Variants in ITIH5 observed in about 807,000 individuals in gnomAD.
The protein encoded by ITIH5 is inter-alpha-trypsin inhibitor heavy chain 5.
Under a neutral mutation model 77.5 loss-of-function variants are expected in ITIH5, and 65 were observed. The observed-to-expected ratio is 0.84, with a 90% CI of 0.69 to 1.03. ITIH5 has a LOEUF of 1.03. ITIH5 is among the 50% of genes least tolerant of loss of function. The pLI, the probability that ITIH5 is intolerant of heterozygous loss-of-function variation, is 0.00. For missense variants in ITIH5, 1,208 were observed against 1,213.1 expected (o/e 1.00, Z 0.06); for synonymous variants, 525 against 494.3 (o/e 1.06, Z -0.82).
chr10:7,584,349 G>T (rs1459857864), intron 8 of ITIH5, among the ~76,000 whole-genome samples: 1 of 149,028 alleles, frequency 6.7e-6, no homozygotes, highest in Non-Finnish European at 1.5e-5. Context: ...TGTCACCCAG[G>T]CTGGAGTGCA....
intron 2 of ITIH5, among the ~76,000 whole-genome samples, chr10:7,646,620 C>A (rs1834013472): frequency 1.3e-5 from 2 of 152,360 alleles, no homozygotes; most frequent in South Asian, 4.1e-4. Flanking sequence ...GCTGGGAGGT[C>A]TGGCTTCTCT....
intron 5 of ITIH5, among the ~76,000 whole-genome samples, chr10:7,629,696 C>A (rs987730586): frequency 2.0e-5 from 3 of 152,176 alleles, no homozygotes; most frequent in Non-Finnish European, 4.4e-5. Context: ...TACGCATATA[C>A]CACATTTTGT....
intron 2 of ITIH5, 77 bp from the exon 3 acceptor site, chr10:7,642,167 T>G: frequency 8.5e-7 from 1 of 1,170,070 alleles, no homozygotes; most frequent in South Asian, 1.6e-5. Context: ...CTTTTTTTTT[T>G]TCCACAAGGG....
In ITIH5 at chr10:7,563,341, T is replaced by C. The variant is rs1047971291; in HGVS notation, c.2571A>G (p.Ala857=). 1.2e-6 allele frequency: 2 copies of C among 1,613,978 alleles called. No individual in the cohort carries two copies. Among genetic ancestry groups the C allele is most frequent in the Admixed American group, 1.7e-5 (1 of 60,006 alleles). Residue 857 remains alanine (A), a synonymous_variant, in exon 14 of 14, where the codon GCA becomes GCG. Transcript: ENST00000397146. ...GGTGAGTGAGGTTCTGGCTGGGCCC[T>C]GCAGGGTCTTCTGTGAGTCTGGCAT... ...NQDARLTEDP[A]GPSQNLTHPL...
At chr10:7,643,681 C>T (rs1414532705) in intron 2 of ITIH5, among the ~76,000 whole-genome samples, 2 of 152,204 alleles carry the variant, frequency 1.3e-5, no homozygotes. Flanking sequence ...TTTATTTCAG[C>T]CCTCATCTGC....
At chr10:7,628,313 T>A (rs1833620110) in intron 5 of ITIH5, among the ~76,000 whole-genome samples, 1 of 152,194 alleles carries the variant, frequency 6.6e-6, no homozygotes, top group Non-Finnish European at 1.5e-5. Flanking sequence ...CAACTACCAA[T>A]CTGCTTTCTG....
At chr10:7,644,070 G>A (rs572504185) in intron 2 of ITIH5, among the ~76,000 whole-genome samples, 9 of 152,100 alleles carry the variant, frequency 5.9e-5, no homozygotes, top group East Asian at 3.9e-4. Context: ...GTGAAACCCC[G>A]TCTTTACTAG....
chr10:7,597,679 C>T (rs1462173261), intron 7 of ITIH5, among the ~76,000 whole-genome samples: 3 of 151,908 alleles, frequency 2.0e-5, no homozygotes, highest in Non-Finnish European at 4.4e-5. Flanking sequence ...CTTGGAGTCA[C>T]GGTCATGGCT....
intron 2 of ITIH5, among the ~76,000 whole-genome samples, chr10:7,647,561 T>A (rs1834026476): frequency 6.9e-6 from 1 of 145,744 alleles, no homozygotes; most frequent in African/African-American, 2.6e-5. Flanking sequence ...TGTGGAAAAT[T>A]TTTGTGCAGC....
At chr10:7,644,828 CACAT>C (rs1833975234) in intron 2 of ITIH5, among the ~76,000 whole-genome samples, 5 of 96,292 alleles carry the variant, frequency 5.2e-5, no homozygotes, top group Non-Finnish European at 1.1e-4. Context: ...TCATATATAT[CACAT>C]ATATATCACA....
rs1310978252 is a variant in ITIH5 at position 7,560,215 on chromosome 10, C to G, written c.*2868G>C. The stretch of plus-strand genomic sequence containing the variant: ...GGCTCTGCCCTCAAGACCCAATAAC[C>G]TTCCAAAGGTCCCAATTCCAAGAAC... On this transcript the variant is annotated 3_prime_UTR_variant, in exon 14 of 14. Coordinates refer to ENST00000397146, the MANE Select transcript of ITIH5 (RefSeq NM_030569.7). The G allele has an allele frequency of 6.3e-6, 1 of 159,322 alleles. No homozygotes were observed. Among genetic ancestry groups the G allele is most frequent in the African/African-American group, 2.4e-5 (1 of 41,486 alleles). The allele number at this position is 159,322 out of a possible 1,614,324, so 9.9% of individuals were successfully genotyped here.
At chr10:7,605,500 GTC>G (rs1485713767) in intron 7 of ITIH5, among the ~76,000 whole-genome samples, 1 of 149,776 alleles carries the variant, frequency 6.7e-6, no homozygotes, top group Non-Finnish European at 1.5e-5. Context: ...GAAAGGCTGT[GTC>G]TCATTTATCT....
chr10:7,647,426 C>G (rs1483795920), intron 2 of ITIH5, among the ~76,000 whole-genome samples: 1 of 152,244 alleles, frequency 6.6e-6, no homozygotes, highest in African/African-American at 2.4e-5. Flanking sequence ...CATCTGCCAA[C>G]TGAACACCCC....
At chr10:7,595,612 T>C (rs904938033) in intron 7 of ITIH5, among the ~76,000 whole-genome samples, 1 of 152,254 alleles carries the variant, frequency 6.6e-6, no homozygotes, top group East Asian at 1.9e-4. Context: ...TTAAAAACAC[T>C]ATCTTAGAAG....
At chr10:7,643,589 C>T (rs1833922344) in intron 2 of ITIH5, among the ~76,000 whole-genome samples, 1 of 152,182 alleles carries the variant, frequency 6.6e-6, no homozygotes, top group Non-Finnish European at 1.5e-5. Flanking sequence ...CACAAAGGCT[C>T]TCAAAACATG....
In ITIH5 at chr10:7,662,002, G is replaced by A. The variant is rs151206593; in HGVS notation, c.90+4801C>T. 7.9e-3 allele frequency among the ~76,000 whole-genome samples: 1,205 copies of A among 152,220 alleles called. 6 individuals are homozygous for A. The highest frequency in any genetic ancestry group is 0.011 in the Non-Finnish European group (775 of 68,014). On this transcript the variant is annotated intron_variant, in intron 1 of 13. Transcript: ENST00000397146. ...CAGGTGTGAACCACTGTGCCTGGCC[G>A]ATTAAAATTTTTTAAAAGCAACTGC...
chr10:7,577,325 T>C (rs1832446289), intron 9 of ITIH5, among the ~76,000 whole-genome samples: 1 of 152,254 alleles, frequency 6.6e-6, no homozygotes, highest in Non-Finnish European at 1.5e-5. Context: ...GGTTTCAGTT[T>C]TGCCTCTGGA....
At chr10:7,566,799 AGAGGAAGAG>A (rs1564232506) in intron 12 of ITIH5, among the ~76,000 whole-genome samples, 1,386 of 13,574 alleles carry the variant, frequency 0.1, 463 homozygotes, top group East Asian at 0.15. Flanking sequence ...AAGAAGAAGA[AGAGGAAGAG>A]GAAGAGGAAG....
intron 7 of ITIH5, among the ~76,000 whole-genome samples, chr10:7,603,871 C>T (rs1833067638): frequency 6.6e-6 from 1 of 152,214 alleles, no homozygotes; most frequent in Admixed American, 6.5e-5. Context: ...GCATGAGCCA[C>T]CACGCCCGGC....
Sources: allele counts gnomAD v4.1 joint callset (sites outside exome capture counted in the v4.1 genomes callset), GRCh38; gene constraint gnomAD v4.1.1; transcripts MANE v1.5; gene names NCBI Gene and HGNC (gene_info 2026-07-23, HGNC 2026-07-21).